LIG3: variants seen among roughly 807,000 people sequenced by gnomAD.
LIG3 encodes ligase II, DNA, ATP-dependent.
In LIG3, 58 loss-of-function variants were observed where a neutral mutation model predicts 110.9. That is an observed-to-expected ratio of 0.52 (90% confidence interval 0.42 to 0.65). The LOEUF (loss-of-function observed/expected upper bound fraction) is 0.65, where lower values mean the gene tolerates loss of function less well. Ranked by LOEUF, LIG3 falls within the 30% of genes least tolerant of loss-of-function variation. The pLI is 0.00. For synonymous variants in LIG3, 422 were observed against 472.8 expected (o/e 0.89, Z 1.39); for missense variants, 1,094 against 1,273.8 (o/e 0.86, Z 2.15).
At position 35,008,184 on chromosome 17, in the gene LIG3, G is replaced by A. The variant is rs954776287; in HGVS notation, c.*3678G>A. 1 of 152,226 alleles carries A rather than the reference G, an allele frequency of 6.6e-6. No homozygotes were observed. Among genetic ancestry groups the A allele is most frequent in the African/African-American group, 2.4e-5 (1 of 41,460 alleles). The allele number at this position is 152,226 out of a possible 1,614,324, so 9.4% of individuals were successfully genotyped here. Reference sequence around the variant, plus strand: ...AGTTCTTTAAGGCCCATCTCTTCTAGATCAGTGTAAATATCTGAACTCACT... The same window carrying A: ...AGTTCTTTAAGGCCCATCTCTTCTAAATCAGTGTAAATATCTGAACTCACT... On this transcript the variant is annotated 3_prime_UTR_variant, in exon 20 of 20. Transcript: ENST00000378526.
At chr17:34,992,490 G>T in intron 7 of LIG3, 34 bp from the exon 8 acceptor site, 1 of 1,535,342 alleles carries the variant, frequency 6.5e-7, no homozygotes, top group South Asian at 1.3e-5. Flanking sequence ...CAAAGGCAGT[G>T]GTTTTGTTTC....
Position 34,998,247 on chromosome 17 carries a change from C to G in LIG3, c.1940C>G (p.Thr647Ser). ...TKALDLADMITRVIQEGLEGL... is the reference protein window; with the variant it reads ...TKALDLADMISRVIQEGLEGL... ...GCTTTGGACTTGGCTGACATGATAA[C>G]CCGGGTGATCCAGGAGGGATTGGAG... The change falls in exon 13 of 20, where the codon ACC (threonine) becomes AGC (serine). Residue 647 changes from threonine (T) to serine (S), a missense_variant. Transcript: ENST00000378526. 6.2e-7 allele frequency: 1 copy of G among 1,613,634 alleles called. No individual in the cohort carries two copies. Among genetic ancestry groups the G allele is most frequent in the Non-Finnish European group, 8.5e-7 (1 of 1,179,774 alleles).
intron 16 of LIG3, among the ~76,000 whole-genome samples, chr17:35,000,742 A>C (rs2090832356): frequency 6.7e-6 from 1 of 149,492 alleles, no homozygotes; most frequent in Admixed American, 6.7e-5. Flanking sequence ...CAGTCTCCCA[A>C]GTAGCTGGGA....
At chr17:35,000,075 A>G (rs1597801606) in intron 16 of LIG3, among the ~76,000 whole-genome samples, 2 of 152,324 alleles carry the variant, frequency 1.3e-5, no homozygotes, top group Non-Finnish European at 2.9e-5. Context: ...AGAGAGAAGA[A>G]GAGAGTACCT....
At position 35,004,565 on chromosome 17, in the gene LIG3, A is replaced by T; in HGVS notation, c.*59A>T. On this transcript the variant is annotated 3_prime_UTR_variant, in exon 20 of 20. Coordinates refer to ENST00000378526, the MANE Select transcript of LIG3 (RefSeq NM_013975.4). ...CTCCTTTACCATACTACTGGACTGG[A>T]CTCAGGCTGGAGGCAGATAGACACA... is the stretch of plus-strand genomic sequence containing the variant. 1.4e-6 allele frequency: 2 copies of T among 1,428,824 alleles called. No individual in the cohort carries two copies. The highest frequency in any genetic ancestry group is 2.0e-6 in the Non-Finnish European group (2 of 1,017,910). 88.5% of individuals were successfully genotyped at this position (1,428,824 alleles called of 1,614,324 possible). A position where few individuals can be genotyped will look rare whatever the true frequency, so the allele number is the denominator to read the frequency against.
rs907551188 is a variant in LIG3 at position 35,008,758 on chromosome 17, A to G, written c.*4252A>G. 6.6e-6 allele frequency: 1 copy of G among 151,970 alleles called. No individual in the cohort carries two copies. The highest frequency in any genetic ancestry group is 1.5e-5 in the Non-Finnish European group (1 of 68,000). 9.4% of individuals were successfully genotyped at this position (151,970 alleles called of 1,614,324 possible). On this transcript the variant is annotated 3_prime_UTR_variant, in exon 20 of 20. Transcript: ENST00000378526. ...ACCATTCTCCTGCCTCAGCCTCCCG[A>G]GTAGCTGGGACTACAGGCACCCGCC...
At chr17:34,981,999 T>A (rs1362143128) in intron 1 of LIG3, among the ~76,000 whole-genome samples, 1 of 152,204 alleles carries the variant, frequency 6.6e-6, no homozygotes, top group Non-Finnish European at 1.5e-5. Flanking sequence ...ACGTCACCGA[T>A]CATAATAGGA....
rs1442287478 is a variant in LIG3, at chr17:35,009,587, A to C, written c.*5081A>C. ...TAATTTGGTGTAATAAAAATGATGC[A>C]AAAAAAAAAAAAATCAGGGTTGTTT... On this transcript the variant is annotated 3_prime_UTR_variant, in exon 20 of 20. Transcript: ENST00000378526. 3.8e-5 allele frequency: 5 copies of C among 130,430 alleles called. No individual in the cohort carries two copies. The highest frequency in any genetic ancestry group is 3.7e-4 in the Admixed American group (5 of 13,694). 8.1% of individuals were successfully genotyped at this position (130,430 alleles called of 1,614,324 possible). A position where few individuals can be genotyped will look rare whatever the true frequency, so the allele number is the denominator to read the frequency against.
intron 5 of LIG3, chr17:34,991,363 G>T: frequency 1.8e-6 from 1 of 568,030 alleles, no homozygotes; most frequent in South Asian, 2.4e-5. Context: ...GGCAGAATTT[G>T]AGACTTGCCC....
chr17:35,000,618 T>TC (rs1256309244), intron 16 of LIG3, among the ~76,000 whole-genome samples: 1 of 144,646 alleles, frequency 6.9e-6, no homozygotes, highest in Non-Finnish European at 1.5e-5. Flanking sequence ...CTTTTTTTTT[T>TC]TTTTTTTTTT....
At position 35,006,442 on chromosome 17, in the gene LIG3, C is replaced by T. The variant is rs2090895848; in HGVS notation, c.*1936C>T. ...GTTACGTTAACATCTAAGCCTCAAT[C>T]CCTCCAAGTAGAATGGGTGCACCTA... is the stretch of plus-strand genomic sequence containing the variant. On this transcript the variant is annotated 3_prime_UTR_variant, in exon 20 of 20. Coordinates refer to ENST00000378526, the MANE Select transcript of LIG3 (RefSeq NM_013975.4). The T allele has an allele frequency of 6.6e-6, 1 of 152,368 alleles. No homozygotes were observed. Among genetic ancestry groups the T allele is most frequent in the African/African-American group, 2.4e-5 (1 of 41,454 alleles). The allele number at this position is 152,368 out of a possible 1,614,324, so 9.4% of individuals were successfully genotyped here.
At chr17:35,002,161 C>A in intron 18 of LIG3, 57 bp downstream of exon 18, 2 of 1,421,268 alleles carry the variant, frequency 1.4e-6, no homozygotes, top group South Asian at 1.5e-5. Context: ...GGCAGAGATC[C>A]AAGGGCAGGG....
rs1005111435 is a variant in LIG3, at chr17:35,007,714, T to A, written c.*3208T>A. 1.3e-5 allele frequency: 2 copies of A among 151,934 alleles called. No homozygotes were observed. The highest frequency in any genetic ancestry group is 2.1e-4 in the South Asian group (1 of 4,806). The allele number at this position is 151,934 out of a possible 1,614,324, so 9.4% of individuals were successfully genotyped here. A position where few individuals can be genotyped will look rare whatever the true frequency, so the allele number is the denominator to read the frequency against. ...GTACAAGCCTGCGCACACACAGCAG[T>A]CTGTCACGAGGCTGGGCCAACCTTT... On this transcript the variant is annotated 3_prime_UTR_variant, in exon 20 of 20. Transcript: ENST00000378526.
rs761039950 is a variant in LIG3, at chr17:34,986,124, C to T, written c.684C>T (p.Gly228=). The part of the protein sequence containing the change: ...VTSTNPRKFS[G]FSAKPNNSGE... ...GTACCAATCCCCGGAAATTTTCTGG[C>T]TTTTCAGGTAAGATAGGTTAGGGCT... The change falls in exon 3 of 20, where the codon GGC becomes GGT. Residue 228 remains glycine, a synonymous_variant. Transcript: ENST00000378526. 1.2e-6 allele frequency: 2 copies of T among 1,614,048 alleles called. No homozygotes were observed. The highest frequency in any genetic ancestry group is 1.7e-6 in the Non-Finnish European group (2 of 1,179,938).
At chr17:35,000,397 T>C (rs981383506) in intron 16 of LIG3, among the ~76,000 whole-genome samples, 3 of 152,160 alleles carry the variant, frequency 2.0e-5, no homozygotes, top group African/African-American at 4.8e-5. Flanking sequence ...TAGCTGGGAT[T>C]ACAGGCATGT....
intron 3 of LIG3, among the ~76,000 whole-genome samples, chr17:34,987,003 T>C (rs2090663087): frequency 6.6e-6 from 1 of 152,242 alleles, no homozygotes; most frequent in Non-Finnish European, 1.5e-5. Context: ...CAGTGAGCTC[T>C]GGGTTCAAAT....
rs1169254458 is a variant in LIG3 at position 35,005,378 on chromosome 17, A to G, written c.*872A>G. The stretch of plus-strand genomic sequence containing the variant: ...GTTGAAGAAGCCACCCTGGCTGCAC[A>G]TGCCATCAGCCATGACTGTGTATGC... On this transcript the variant is annotated 3_prime_UTR_variant, in exon 20 of 20. Transcript: ENST00000378526. 1.8e-6 allele frequency: 1 copy of G among 558,608 alleles called. No homozygotes were observed. Among genetic ancestry groups the G allele is most frequent in the Non-Finnish European group, 3.6e-6 (1 of 275,414 alleles). The allele number at this position is 558,608 out of a possible 1,614,324, so 34.6% of individuals were successfully genotyped here. A position where few individuals can be genotyped will look rare whatever the true frequency, so the allele number is the denominator to read the frequency against.
intron 7 of LIG3, among the ~76,000 whole-genome samples, 162 bp downstream of exon 7, chr17:34,992,197 A>AT (rs1336703441): frequency 1.3e-5 from 2 of 152,006 alleles, no homozygotes; most frequent in African/African-American, 2.4e-5. Flanking sequence ...CTCTGCCTCC[A>AT]TTTTTTCCCA....
downstream of LIG3, chr17:35,010,389 G>A (rs1268171297): frequency 1.3e-5 from 2 of 152,188 alleles, no homozygotes; most frequent in Non-Finnish European, 2.9e-5. Context: ...AGCTCCTCTA[G>A]GGGTGTAAAG....
Sources: gnomAD v4.1 joint callset for allele counts (sites outside exome capture counted in the v4.1 genomes callset) on GRCh38, gnomAD v4.1.1 for gene constraint, MANE v1.5 for transcripts, NCBI Gene and HGNC (gene_info 2026-07-23, HGNC 2026-07-21) for gene names.